FNTB: variants seen among roughly 807,000 people sequenced by gnomAD.
The protein encoded by FNTB is farnesyltransferase, CAAX box, subunit beta.
A neutral mutation model predicts 59.4 loss-of-function variants in FNTB; 27 were observed. That is an observed-to-expected ratio of 0.45 (90% CI 0.34 to 0.63). FNTB has a LOEUF of 0.63. FNTB is among the 20% of genes least tolerant of loss of function. The pLI, the probability that FNTB is intolerant of heterozygous loss-of-function variation, is 0.02. For missense variants in FNTB, 449 were observed against 559.6 expected, an observed-to-expected ratio of 0.80 and a Z score of 1.99; for synonymous variants, 230 against 220.7, an observed-to-expected ratio of 1.04 and a Z score of -0.37.
chr14:65,030,586 T>TA lies in FNTB; in HGVS notation c.606-2018dup, dbSNP rs2062061062. ...AGACCCTGTCTCTACAAAAAATTTT[T>TA]AAAAAATTAGCCAGGTGTGGTGGCA... On this transcript the variant is annotated intron_variant, in intron 6 of 11. Coordinates refer to ENST00000246166, the MANE Select transcript of FNTB (RefSeq NM_002028.4). The surrounding 1 kb of genome is among the most constrained non-coding windows in gnomAD (Gnocchi z 4.5). Among the ~76,000 whole-genome samples, 2 of 151,954 alleles carry TA rather than the reference T, an allele frequency of 1.3e-5. No homozygotes were observed. Among genetic ancestry groups the TA allele is most frequent in the Non-Finnish European group, 2.9e-5 (2 of 67,986 alleles).
chr14:65,010,783 CCTG>C (rs2061670547), intron 2 of FNTB, among the ~76,000 whole-genome samples: 1 of 152,264 alleles, frequency 6.6e-6, no homozygotes, highest in Non-Finnish European at 1.5e-5. Context: ...GGGCAGTACT[CCTG>C]CTTTCCTCCC....
At chr14:65,025,525 G>T (rs1185258119) in intron 4 of FNTB, among the ~76,000 whole-genome samples, 1 of 152,198 alleles carries the variant, frequency 6.6e-6, no homozygotes, top group Admixed American at 6.5e-5. Context: ...TGTTAAAAAT[G>T]TGTCACATGC....
rs942217300 is a variant in FNTB at position 65,028,859 on chromosome 14, T to C, written c.605+1078T>C. ...TACATTTTCGTTCCTGTTCTGTTGCTATTCCCCCAAAATATGCACAGTCTT... is the reference window on the plus strand; with the variant it reads ...TACATTTTCGTTCCTGTTCTGTTGCCATTCCCCCAAAATATGCACAGTCTT... On this transcript the variant is annotated intron_variant, in intron 6 of 11. Coordinates refer to ENST00000246166, the MANE Select transcript of FNTB (RefSeq NM_002028.4). The surrounding 1 kb of genome is among the most constrained non-coding windows in gnomAD (Gnocchi z 4.4). Among the ~76,000 whole-genome samples the C allele has an allele frequency of 3.3e-5, 5 of 152,222 alleles. No homozygotes were observed. Among genetic ancestry groups the C allele is most frequent in the Admixed American group, 1.3e-4 (2 of 15,274 alleles).
At chr14:65,056,177 T>G (rs1024790584) in intron 11 of FNTB, among the ~76,000 whole-genome samples, 2 of 152,244 alleles carry the variant, frequency 1.3e-5, no homozygotes, top group African/African-American at 4.8e-5. Flanking sequence ...CCAGTCATTC[T>G]GCATTGCTTT....
At chr14:65,016,479 C>G (rs1016278573) in intron 4 of FNTB, 1 of 152,278 alleles carries the variant, frequency 6.6e-6, no homozygotes, top group Non-Finnish European at 1.5e-5. Flanking sequence ...TCAGCTTCCT[C>G]TGGTGCTCTT....
In FNTB at chr14:65,060,540, C is replaced by T. The variant is rs1258040523; in HGVS notation, c.1183-641C>T. ...TGAAACCCCGTCTCTACTAAAAATA[C>T]AAAAAATTAGCCGGGCGTAGTGGCG... On this transcript the variant is annotated intron_variant, in intron 11 of 11. Transcript: ENST00000246166. 2.4e-5 allele frequency among the ~76,000 whole-genome samples: 3 copies of T among 127,198 alleles called. 1 individual carries two copies. 83.4% of individuals were successfully genotyped at this position (127,198 alleles called of 152,430 possible). A position where few individuals can be genotyped will look rare whatever the true frequency, so the allele number is the denominator to read the frequency against.
At position 65,047,901 on chromosome 14, in the gene FNTB, A is replaced by G. The variant is rs879497607; in HGVS notation, c.955+3458A>G. Among the ~76,000 whole-genome samples, 6 of 151,980 alleles carry G rather than the reference A, an allele frequency of 3.9e-5. No individual in the cohort carries two copies. The highest frequency in any genetic ancestry group is 5.9e-5 in the Non-Finnish European group (4 of 68,006). The stretch of plus-strand genomic sequence containing the variant: ...TGTACACAGCTTTTCCTGGAACCCT[A>G]CACAAAACCCCTTGAACAATGGGTA... On this transcript the variant is annotated intron_variant, in intron 9 of 11. Transcript: ENST00000246166. The surrounding 1 kb of genome is among the most constrained non-coding windows in gnomAD (Gnocchi z 5.2).
At position 65,029,238 on chromosome 14, in the gene FNTB, T is replaced by A. The variant is rs1230167521; in HGVS notation, c.605+1457T>A. Among the ~76,000 whole-genome samples, 2 of 152,244 alleles carry A rather than the reference T, an allele frequency of 1.3e-5. No individual in the cohort carries two copies. Among genetic ancestry groups the A allele is most frequent in the Non-Finnish European group, 2.9e-5 (2 of 68,040 alleles). On this transcript the variant is annotated intron_variant, in intron 6 of 11. Coordinates refer to ENST00000246166, the MANE Select transcript of FNTB (RefSeq NM_002028.4). The surrounding 1 kb of genome is among the most constrained non-coding windows in gnomAD (Gnocchi z 4.7). ...AGCAGATTGCATCCATTTTCCTTGC[T>A]TTGCCTGGTTTCTAGTACCCCGATT...
Position 65,035,625 on chromosome 14 carries a change from G to C in FNTB, c.692+2929G>C, listed in dbSNP as rs1015061982. ...GCTCGCTGCAGCCACCACCTCCTGG[G>C]CTCAAGCAATCCTCCCATCTCAACC... On this transcript the variant is annotated intron_variant, in intron 7 of 11. Coordinates refer to ENST00000246166, the MANE Select transcript of FNTB (RefSeq NM_002028.4). 2.6e-5 allele frequency among the ~76,000 whole-genome samples: 4 copies of C among 152,062 alleles called. No individual in the cohort carries two copies. In the East Asian group the frequency reaches 7.7e-4, roughly 29 times the overall value.
rs2062041708 is a variant in FNTB, at chr14:65,029,546, A to G, written c.605+1765A>G. On this transcript the variant is annotated intron_variant, in intron 6 of 11. Coordinates refer to ENST00000246166, the MANE Select transcript of FNTB (RefSeq NM_002028.4). This position sits in a 1 kb window ranked among gnomAD's most constrained non-coding sequence, Gnocchi z 4.7. The stretch of plus-strand genomic sequence containing the variant: ...AAATCACAGTGAACTCATAGCAAGC[A>G]CTATTTTTTCTCAGTTCTTAAGAAA... 6.6e-6 allele frequency among the ~76,000 whole-genome samples: 1 copy of G among 152,228 alleles called. No homozygotes were observed. Among genetic ancestry groups the G allele is most frequent in the Admixed American group, 6.5e-5 (1 of 15,284 alleles).
Position 64,994,998 on chromosome 14 carries a change from G to A in FNTB, c.144+7901G>A, listed in dbSNP as rs890265953. ...TAAAACACAAGCACATTGTACTGCT[G>A]TACAAAAATATTTTCTGTATATTTT... is the stretch of plus-strand genomic sequence containing the variant. On this transcript the variant is annotated intron_variant, in intron 1 of 11. Coordinates refer to ENST00000246166, the MANE Select transcript of FNTB (RefSeq NM_002028.4). The surrounding 1 kb of genome is among the most constrained non-coding windows in gnomAD (Gnocchi z 4.2). 6.6e-6 allele frequency among the ~76,000 whole-genome samples: 1 copy of A among 152,060 alleles called. No homozygotes were observed. Among genetic ancestry groups the A allele is most frequent in the African/African-American group, 2.4e-5 (1 of 41,380 alleles).
At chr14:65,037,254 C>G (rs986161127) in intron 7 of FNTB, among the ~76,000 whole-genome samples, 1 of 151,244 alleles carries the variant, frequency 6.6e-6, no homozygotes, top group Non-Finnish European at 1.5e-5. Flanking sequence ...CAGAAGCCCA[C>G]GACCACGCCC....
chr14:65,028,778 A>G lies in FNTB; in HGVS notation c.605+997A>G, dbSNP rs1437457791. Among the ~76,000 whole-genome samples, 1 of 152,226 alleles carries G rather than the reference A, an allele frequency of 6.6e-6. No homozygotes were observed. The highest frequency in any genetic ancestry group is 3.2e-3 in the Middle Eastern group (1 of 316). On this transcript the variant is annotated intron_variant, in intron 6 of 11. Coordinates refer to ENST00000246166, the MANE Select transcript of FNTB (RefSeq NM_002028.4). This position sits in a 1 kb window ranked among gnomAD's most constrained non-coding sequence, Gnocchi z 4.4. ...AGTAGAACGACTGAGGTAAATCAGT[A>G]TGTGTTGATTCTTCTTAAGGAAAAT...
intron 4 of FNTB, chr14:65,022,067 A>G: frequency 2.2e-6 from 1 of 456,072 alleles, no homozygotes; most frequent in South Asian, 1.5e-5. Context: ...GCCACCCGGA[A>G]TCAACAAGAG....
chr14:65,010,225 C>T (rs2061662231), intron 2 of FNTB, among the ~76,000 whole-genome samples: 1 of 152,236 alleles, frequency 6.6e-6, no homozygotes, highest in South Asian at 2.1e-4. Context: ...GTAAACTCTC[C>T]TGTTTCTCTC....
intron 9 of FNTB, among the ~76,000 whole-genome samples, chr14:65,046,412 A>G (rs1474537827): frequency 6.6e-6 from 1 of 152,210 alleles, no homozygotes; most frequent in African/African-American, 2.4e-5. Context: ...TAATTCTGCA[A>G]TCCCAGGGAA....
chr14:65,012,898 A>G lies in FNTB; in HGVS notation c.282+509A>G, dbSNP rs558275137. On this transcript the variant is annotated intron_variant, in intron 3 of 11. Transcript: ENST00000246166. This position sits in a 1 kb window ranked among gnomAD's most constrained non-coding sequence, Gnocchi z 5.0. ...TTTCTTGTAATAAGATCTAATTTCT[A>G]TACTGACTAGAGGACCAGTATAGAG... Among the ~76,000 whole-genome samples the G allele has an allele frequency of 1.9e-4, 29 of 152,316 alleles. No homozygotes were observed. The highest frequency in any genetic ancestry group is 3.7e-4 in the Non-Finnish European group (25 of 68,028).
chr14:65,050,643 A>C (rs2062586110), intron 9 of FNTB, among the ~76,000 whole-genome samples: 1 of 152,172 alleles, frequency 6.6e-6, no homozygotes, highest in Admixed American at 6.5e-5. Flanking sequence ...CAAAATTTTA[A>C]ATTTTGCTGG....
At chr14:65,021,105 A>C (rs1250717899) in intron 4 of FNTB, among the ~76,000 whole-genome samples, 1 of 152,236 alleles carries the variant, frequency 6.6e-6, no homozygotes. Context: ...TTTTGGAACT[A>C]GACTAAGTAC....
Sources: allele counts gnomAD v4.1 joint callset (sites outside exome capture counted in the v4.1 genomes callset), GRCh38; gene constraint gnomAD v4.1.1; non-coding constraint Gnocchi (gnomAD v3.1); transcripts MANE v1.5; gene names NCBI Gene and HGNC (gene_info 2026-07-23, HGNC 2026-07-21).